Variants in RB1 observed in about 807,000 individuals in gnomAD.
The protein encoded by RB1 is RB transcriptional corepressor 1.
A neutral mutation model predicts 135.4 loss-of-function variants in RB1; 18 were observed. The observed-to-expected ratio is 0.13, with a 90% CI of 0.09 to 0.20. The LOEUF is 0.20. Ranked by LOEUF, RB1 falls within the 10% of genes least tolerant of loss-of-function variation. The probability of loss-of-function intolerance (pLI) is 1.00; values close to 1 mark genes in which losing one functional copy is unlikely to be tolerated. For synonymous variants in RB1, 365 were observed against 373.2 expected, an observed-to-expected ratio of 0.98 and a Z score of 0.25; for missense variants, 868 against 1,110.0, an observed-to-expected ratio of 0.78 and a Z score of 3.10.
intron 2 of RB1, chr13:48,317,038 C>A (rs747313800): frequency 2.0e-5 from 13 of 655,104 alleles, no homozygotes; most frequent in Non-Finnish European, 2.8e-5. Context: ...TTCCTCCTGT[C>A]GGGCAAACTC....
Position 48,303,853 on chromosome 13 carries a change from G to T in RB1, c.-60G>T. On this transcript the variant is annotated 5_prime_UTR_variant, in exon 1 of 27. Coordinates refer to ENST00000267163, the MANE Select transcript of RB1 (RefSeq NM_000321.3). ...GGACGGGGCGTGCCCCGACGTGCGC[G>T]CGCGTCGTCCTCCCCGGCGCTCCTC... 1 of 1,498,560 alleles carries T rather than the reference G, an allele frequency of 6.7e-7. No homozygotes were observed. The highest frequency in any genetic ancestry group is 8.8e-7 in the Non-Finnish European group (1 of 1,131,202). 92.8% of individuals were successfully genotyped at this position (1,498,560 alleles called of 1,614,324 possible).
rs78704248 is a variant in RB1, at chr13:48,380,306, T to G, written c.1498+65T>G. The G allele has an allele frequency of 1.4e-3, 1,685 of 1,231,960 alleles. 20 individuals are homozygous for G. In the African/African-American group the frequency reaches 0.023, roughly 17 times the overall value. 76.3% of individuals were successfully genotyped at this position (1,231,960 alleles called of 1,614,324 possible). A position where few individuals can be genotyped will look rare whatever the true frequency, so the allele number is the denominator to read the frequency against. ...TAAAGTTAAAATGTGGTGTGTTTCT[T>G]TGGTCGGGGGAGAGGGATAGTGTGA... is the stretch of plus-strand genomic sequence containing the variant. On this transcript the variant is annotated intron_variant, in intron 16 of 26. Coordinates refer to ENST00000267163, the MANE Select transcript of RB1 (RefSeq NM_000321.3).
chr13:48,434,130 T>C (rs924430033), intron 17 of RB1, among the ~76,000 whole-genome samples: 5 of 152,056 alleles, frequency 3.3e-5, no homozygotes, highest in African/African-American at 7.2e-5. Flanking sequence ...ATATTATAAA[T>C]TGAAACATTG....
chr13:48,311,819 T>C (rs2854366), intron 2 of RB1, among the ~76,000 whole-genome samples: 141,626 of 152,196 alleles, frequency 0.93, 66,366 homozygotes, highest in East Asian at 1. Context: ...GATTCTCCTG[T>C]CTCAGCCTCC....
intron 2 of RB1, among the ~76,000 whole-genome samples, chr13:48,313,871 C>T (rs955461094): frequency 6.6e-6 from 1 of 151,652 alleles, no homozygotes; most frequent in Non-Finnish European, 1.5e-5. Context: ...GCCTCAGCCT[C>T]CCAAAGAGCT....
intron 17 of RB1, among the ~76,000 whole-genome samples, chr13:48,417,488 G>T (rs779507535): frequency 3.3e-5 from 5 of 152,138 alleles, no homozygotes; most frequent in Non-Finnish European, 5.9e-5. Flanking sequence ...GCGCAAAAAG[G>T]CTGACAATTC....
chr13:48,364,019 G>C (rs1952668766), intron 8 of RB1, among the ~76,000 whole-genome samples: 1 of 152,060 alleles, frequency 6.6e-6, no homozygotes, highest in African/African-American at 2.4e-5. Flanking sequence ...TGAGAGTGTG[G>C]TCCTAAAATC....
chr13:48,327,793 A>T (rs1952300710), intron 2 of RB1, among the ~76,000 whole-genome samples: 1 of 152,200 alleles, frequency 6.6e-6, no homozygotes, highest in Non-Finnish European at 1.5e-5. Context: ...TGTCTAAAAA[A>T]ATAGGCAATT....
rs1283902639 is a variant in RB1 at position 48,459,812 on chromosome 13, G to A, written c.2085G>A (p.Met695Ile). The stretch of plus-strand genomic sequence containing the variant: ...CCCTGCAGAATGAGTATGAACTCAT[G>A]AGAGACAGGCATTTGGACCAAGTAA... ...QHTLQNEYEL[M>I]RDRHLDQIMM... The change falls in exon 20 of 27, where the codon ATG (methionine) becomes ATA (isoleucine). Residue 695 changes from methionine (M) to isoleucine (I), a missense_variant. Transcript: ENST00000267163. The A allele has an allele frequency of 6.2e-7, 1 of 1,613,776 alleles. No individual in the cohort carries two copies. The highest frequency in any genetic ancestry group is 2.2e-5 in the East Asian group (1 of 44,868).
At chr13:48,452,116 G>T (rs142805206) in intron 17 of RB1, among the ~76,000 whole-genome samples, 1,780 of 151,910 alleles carry the variant, frequency 0.012, 36 homozygotes, top group Middle Eastern at 0.037. Flanking sequence ...CTTCAGTTCT[G>T]CTCTGATCTT....
chr13:48,374,907 C>G (rs1345484531), intron 12 of RB1, among the ~76,000 whole-genome samples: 1 of 152,042 alleles, frequency 6.6e-6, no homozygotes, highest in Non-Finnish European at 1.5e-5. Context: ...TTGCTGCCAT[C>G]TTTATGTCCA....
chr13:48,464,958 C>CTTTTTTTTT (rs553094345), intron 21 of RB1, 40 bp from the exon 22 acceptor site: 113 of 832,614 alleles, frequency 1.4e-4, no homozygotes, highest in East Asian at 2.6e-4. Flanking sequence ...GTAAATTTTA[C>CTTTTTTTTT]TTTTTTTTTT....
Position 48,375,001 on chromosome 13 carries a change from A to G in RB1, c.1215+1509A>G, listed in dbSNP as rs566185624. On this transcript the variant is annotated intron_variant, in intron 12 of 26. Coordinates refer to ENST00000267163, the MANE Select transcript of RB1 (RefSeq NM_000321.3). Reference sequence around the variant, plus strand: ...TTTTCTGTATTAATTTGTTTAGGATAATGACCTCCAGCTACATCCATGTGG... The same window carrying G: ...TTTTCTGTATTAATTTGTTTAGGATGATGACCTCCAGCTACATCCATGTGG... Among the ~76,000 whole-genome samples the G allele has an allele frequency of 2.6e-5, 4 of 152,206 alleles. No homozygotes were observed. In the East Asian group the frequency reaches 5.8e-4, roughly 22 times the overall value.
intron 6 of RB1, among the ~76,000 whole-genome samples, chr13:48,357,547 C>G (rs1006801030): frequency 2.6e-5 from 4 of 152,022 alleles, no homozygotes; most frequent in African/African-American, 9.7e-5. Flanking sequence ...TTTTAACCCT[C>G]CTGCTAACCC....
At chr13:48,356,057 G>T (rs1952587429) in intron 6 of RB1, among the ~76,000 whole-genome samples, 1 of 152,046 alleles carries the variant, frequency 6.6e-6, no homozygotes, top group African/African-American at 2.4e-5. Context: ...ATAACTTAAA[G>T]AGTGTAATTG....
chr13:48,466,616 CG>C (rs1418546161), intron 23 of RB1, among the ~76,000 whole-genome samples: 8 of 149,948 alleles, frequency 5.3e-5, no homozygotes, highest in African/African-American at 1.9e-4. Flanking sequence ...CTCTGAGCTA[CG>C]GGAGGACATT....
chr13:48,395,545 G>A (rs998757324), intron 17 of RB1, among the ~76,000 whole-genome samples: 3 of 151,678 alleles, frequency 2.0e-5, no homozygotes, highest in Admixed American at 6.6e-5. Flanking sequence ...ATGACCTGAC[G>A]GAACTGAAAA....
At chr13:48,344,368 A>T (rs1952473621) in intron 3 of RB1, among the ~76,000 whole-genome samples, 1 of 152,124 alleles carries the variant, frequency 6.6e-6, no homozygotes, top group African/African-American at 2.4e-5. Flanking sequence ...GTTAGAGTCA[A>T]AGTAGGGTGA....
At chr13:48,364,100 A>G (rs1346501986) in intron 8 of RB1, among the ~76,000 whole-genome samples, 1 of 152,226 alleles carries the variant, frequency 6.6e-6, no homozygotes, top group East Asian at 1.9e-4. Flanking sequence ...ACTAATTTCA[A>G]CAAATATACA....
Sources: allele counts gnomAD v4.1 joint callset (sites outside exome capture counted in the v4.1 genomes callset), GRCh38; gene constraint gnomAD v4.1.1; transcripts MANE v1.5; gene names NCBI Gene and HGNC (gene_info 2026-07-23, HGNC 2026-07-21).